The following PAPPA2 variants were observed in gnomAD, a reference collection of about 807,000 sequenced individuals.
The protein encoded by PAPPA2 is pappalysin 2, also known as pappalysin-2.
Under a neutral mutation model 176.4 loss-of-function variants are expected in PAPPA2, and 86 were observed. The ratio of observed to expected loss-of-function variants is 0.49; its 90% CI spans 0.41 to 0.58. The LOEUF (loss-of-function observed/expected upper bound fraction) is 0.58. Ranked by LOEUF, PAPPA2 falls within the 20% of genes least tolerant of loss-of-function variation. The pLI is 0.00. For missense variants in PAPPA2, 2,073 were observed against 2,256.9 expected (o/e 0.92, Z 1.65); for synonymous variants, 809 against 852.2 (o/e 0.95, Z 0.88).
chr1:176,787,210 T>A (rs1169291746), intron 17 of PAPPA2, among the ~76,000 whole-genome samples: 1 of 152,158 alleles, frequency 6.6e-6, no homozygotes, highest in Non-Finnish European at 1.5e-5. Context: ...CCACACAGAC[T>A]ATGATGCTAA....
intron 14 of PAPPA2, among the ~76,000 whole-genome samples, chr1:176,746,859 G>T (rs944742438): frequency 6.6e-6 from 1 of 151,986 alleles, no homozygotes; most frequent in African/African-American, 2.4e-5. Flanking sequence ...TTCTTCTCTC[G>T]CTTGTTCTCA....
intron 3 of PAPPA2, among the ~76,000 whole-genome samples, chr1:176,630,395 G>T (rs558694295): frequency 6.6e-6 from 1 of 152,300 alleles, no homozygotes; most frequent in East Asian, 1.9e-4. Flanking sequence ...GGTTTGTAAA[G>T]CTAGAGTAAA....
rs1664141411 is a variant in PAPPA2, at chr1:176,769,775, A to G, written c.4492A>G (p.Lys1498Glu). The G allele has an allele frequency of 1.2e-6, 2 of 1,606,832 alleles. No homozygotes were observed. Among genetic ancestry groups the G allele is most frequent in the Admixed American group, 1.7e-5 (1 of 58,066 alleles). Residue 1498 changes from lysine to glutamate, a missense_variant, in exon 16 of 23, where the codon AAG (lysine) becomes GAG (glutamate). This residue lies in a region of PAPPA2 where 846 missense variants were observed against 857.9 expected (regional missense o/e 0.99). Transcript: ENST00000367662. The stretch of plus-strand genomic sequence containing the variant: ...CTCAATCTCTTGTGTCCCACCAGCC[A>G]AGCTGCAAGGTATTGTCTGGTCAAC... ...RCSISCVPPAKLQGLSPWLTC... is the reference protein window; with the variant it reads ...RCSISCVPPAELQGLSPWLTC...
At chr1:176,803,204 C>T (rs561174230) in intron 21 of PAPPA2, among the ~76,000 whole-genome samples, 1 of 152,196 alleles carries the variant, frequency 6.6e-6, no homozygotes, top group Admixed American at 6.5e-5. Flanking sequence ...GTAGTGTGAG[C>T]CTCTGTATTG....
intron 3 of PAPPA2, among the ~76,000 whole-genome samples, chr1:176,658,236 G>A (rs1050860571): frequency 6.6e-6 from 1 of 151,944 alleles, no homozygotes; most frequent in Non-Finnish European, 1.5e-5. Context: ...AGGGTATCAA[G>A]AGTAAACAGA....
chr1:176,693,312 A>G (rs1043280265), intron 6 of PAPPA2, among the ~76,000 whole-genome samples: 14 of 152,258 alleles, frequency 9.2e-5, no homozygotes, highest in African/African-American at 3.4e-4. Flanking sequence ...ATAAGTGAGA[A>G]TTCTGAGGCA....
intron 1 of PAPPA2, among the ~76,000 whole-genome samples, chr1:176,551,106 TA>T (rs1354825595): frequency 6.6e-6 from 1 of 152,096 alleles, no homozygotes; most frequent in African/African-American, 2.4e-5. Context: ...AAGGGGGCCG[TA>T]GTAGATTACC....
chr1:176,651,571 A>C (rs767803606), intron 3 of PAPPA2, among the ~76,000 whole-genome samples: 2 of 151,508 alleles, frequency 1.3e-5, no homozygotes, highest in Admixed American at 1.3e-4. Flanking sequence ...TGAGAATTTG[A>C]TTATTATATG....
intron 1 of PAPPA2, chr1:176,553,746 C>A (rs1040165359): frequency 6.6e-6 from 1 of 151,760 alleles, no homozygotes; most frequent in African/African-American, 2.4e-5. Context: ...TGGTAGGAAA[C>A]CTTTTTCTGA....
chr1:176,821,891 G>A (rs890539383), intron 21 of PAPPA2, among the ~76,000 whole-genome samples: 8 of 152,266 alleles, frequency 5.3e-5, no homozygotes, highest in African/African-American at 7.2e-5. Context: ...GCAAGCATTC[G>A]TTAAACACAT....
intron 7 of PAPPA2, among the ~76,000 whole-genome samples, chr1:176,698,250 T>C (rs927703919): frequency 6.6e-6 from 1 of 152,222 alleles, no homozygotes; most frequent in African/African-American, 2.4e-5. Flanking sequence ...ACTGCCCTAG[T>C]AAGGCGGGGC....
chr1:176,708,530 TAGAGAGAG>T lies in PAPPA2; in HGVS notation c.3458-1431_3458-1424del, dbSNP rs71565479. On this transcript the variant is annotated intron_variant, in intron 10 of 22. Transcript: ENST00000367662. ...AACAAAACAAAACTATACGTACATG[TAGAGAGAG>T]AGAGAGAGAGAGAGAGAGAGAATCA... Among the ~76,000 whole-genome samples the T allele has an allele frequency of 5.5e-3, 805 of 145,588 alleles. 13 individuals are homozygous for T. Among genetic ancestry groups the T allele is most frequent in the African/African-American group, 0.018 (709 of 39,384 alleles).
intron 20 of PAPPA2, among the ~76,000 whole-genome samples, chr1:176,795,758 A>C (rs368055376): frequency 1.3e-5 from 2 of 152,326 alleles, no homozygotes; most frequent in South Asian, 4.1e-4. Context: ...CATAATTATG[A>C]ATTAGTGAGG....
Position 176,695,844 on chromosome 1 carries a change from C to T in PAPPA2, c.2731C>T (p.Pro911Ser). The change falls in exon 7 of 23, where the codon CCA (proline) becomes TCA (serine). Residue 911 changes from proline to serine, a missense_variant. Around this residue, in one of 4 missense-constraint regions of PAPPA2, gnomAD observed 1,196 missense variants for 1,330.4 expected, o/e 0.90. Coordinates refer to ENST00000367662, the MANE Select transcript of PAPPA2 (RefSeq NM_020318.3). ...GTGTGACTCCTCAGGTTATTGGACCCCAGAGGAGGCTGTGGGTAAAGTACC... is the reference window on the plus strand; with the variant it reads ...GTGTGACTCCTCAGGTTATTGGACCTCAGAGGAGGCTGTGGGTAAAGTACC... ...RVCDSSGYWT[P>S]EEAVGPPDVD... 1 of 1,613,928 alleles carries T rather than the reference C, an allele frequency of 6.2e-7. No individual in the cohort carries two copies. The highest frequency in any genetic ancestry group is 8.5e-7 in the Non-Finnish European group (1 of 1,179,966).
chr1:176,540,211 G>A (rs901780349), intron 1 of PAPPA2, among the ~76,000 whole-genome samples: 1 of 152,204 alleles, frequency 6.6e-6, no homozygotes, highest in South Asian at 2.1e-4. Context: ...GTAGAAAGAC[G>A]TAACTGTAGG....
At chr1:176,733,160 G>T (rs1040112474) in intron 12 of PAPPA2, among the ~76,000 whole-genome samples, 1 of 152,142 alleles carries the variant, frequency 6.6e-6, no homozygotes, top group African/African-American at 2.4e-5. Flanking sequence ...CATAAAATAG[G>T]TTCCTTGAGC....
intron 3 of PAPPA2, among the ~76,000 whole-genome samples, chr1:176,622,745 T>G (rs1436943859): frequency 6.6e-6 from 1 of 152,206 alleles, no homozygotes; most frequent in Non-Finnish European, 1.5e-5. Flanking sequence ...TCAACTGTTT[T>G]GCCCATTTAA....
intron 21 of PAPPA2, among the ~76,000 whole-genome samples, chr1:176,814,046 T>C (rs893067614): frequency 6.6e-6 from 1 of 152,186 alleles, no homozygotes; most frequent in African/African-American, 2.4e-5. Flanking sequence ...AGGGAATCCA[T>C]TCCTCACTGC....
intron 17 of PAPPA2, among the ~76,000 whole-genome samples, chr1:176,780,275 T>C (rs190337045): frequency 2.7e-3 from 414 of 152,202 alleles, no homozygotes; most frequent in Non-Finnish European, 4.4e-3. Flanking sequence ...GGAGGAATTC[T>C]TGTGCTGAAA....
Sources: gnomAD v4.1 joint callset for allele counts (sites outside exome capture counted in the v4.1 genomes callset) on GRCh38, gnomAD v4.1.1 for gene constraint, gnomAD v4.1.1 regional missense constraint, MANE v1.5 for transcripts, NCBI Gene and HGNC (gene_info 2026-07-23, HGNC 2026-07-21) for gene names.